Variants in DGKI observed in about 807,000 individuals in gnomAD.
The protein encoded by DGKI is diacylglycerol kinase iota.
A neutral mutation model predicts 147.5 loss-of-function variants in DGKI; 55 were observed. The observed-to-expected ratio is 0.37, with a 90% CI of 0.30 to 0.47. The LOEUF (loss-of-function observed/expected upper bound fraction) is 0.47, where lower values mean the gene tolerates loss of function less well. Ranked by LOEUF, DGKI falls within the 20% of genes least tolerant of loss-of-function variation. DGKI has a pLI of 1.00. For synonymous variants in DGKI, 469 were observed against 477.1 expected, an observed-to-expected ratio of 0.98 and a Z score of 0.22; for missense variants, 1,007 against 1,323.8, an observed-to-expected ratio of 0.76 and a Z score of 3.71.
chr7:137,403,097 C>T (rs1169198066), intron 30 of DGKI, among the ~76,000 whole-genome samples: 1 of 151,810 alleles, frequency 6.6e-6, no homozygotes, highest in African/African-American at 2.4e-5. Context: ...AGGGAGCGGG[C>T]AGAAAATATG....
At chr7:137,694,583 C>T (rs990036603) in intron 1 of DGKI, among the ~76,000 whole-genome samples, 9 of 152,170 alleles carry the variant, frequency 5.9e-5, no homozygotes, top group African/African-American at 2.2e-4. Flanking sequence ...CAGAACACCT[C>T]CTAAAGATTG....
intron 1 of DGKI, among the ~76,000 whole-genome samples, chr7:137,833,164 C>T (rs760061848): frequency 2.0e-5 from 3 of 152,222 alleles, no homozygotes; most frequent in Admixed American, 1.3e-4. Flanking sequence ...GTTCCAAAGT[C>T]GCTTCCACAT....
At chr7:137,811,360 T>C (rs865984324) in intron 1 of DGKI, among the ~76,000 whole-genome samples, 2 of 117,252 alleles carry the variant, frequency 1.7e-5, no homozygotes, top group African/African-American at 3.1e-5. Flanking sequence ...TCTCTCTCTC[T>C]CTCCCTCTCT....
At chr7:137,780,689 G>A (rs1305508815) in intron 1 of DGKI, among the ~76,000 whole-genome samples, 1 of 152,158 alleles carries the variant, frequency 6.6e-6, no homozygotes, top group Non-Finnish European at 1.5e-5. Flanking sequence ...ATAACATGAT[G>A]TTTCAGTGAA....
chr7:137,635,063 T>C (rs1411524532), intron 6 of DGKI, among the ~76,000 whole-genome samples: 1 of 152,112 alleles, frequency 6.6e-6, no homozygotes, highest in Non-Finnish European at 1.5e-5. Context: ...AGAGTGAAGA[T>C]TATTGCACAT....
At chr7:137,579,444 A>AC (rs1310695370) in intron 15 of DGKI, among the ~76,000 whole-genome samples, 2 of 151,206 alleles carry the variant, frequency 1.3e-5, no homozygotes, top group Non-Finnish European at 2.9e-5. Context: ...AGTAAAAAAA[A>AC]AAAAAAAGAA....
intron 21 of DGKI, among the ~76,000 whole-genome samples, chr7:137,494,825 C>T (rs1318930073): frequency 6.6e-6 from 1 of 152,104 alleles, no homozygotes; most frequent in Non-Finnish European, 1.5e-5. Flanking sequence ...CATATTAATG[C>T]TAACTTTGAA....
At chr7:137,783,172 A>G (rs998131015) in intron 1 of DGKI, among the ~76,000 whole-genome samples, 3 of 152,232 alleles carry the variant, frequency 2.0e-5, no homozygotes, top group Non-Finnish European at 4.4e-5. Flanking sequence ...GCCGACTATT[A>G]AGCTAATCAA....
intron 23 of DGKI, among the ~76,000 whole-genome samples, chr7:137,480,407 A>ATT (rs1357014936): frequency 6.6e-6 from 1 of 152,194 alleles, no homozygotes; most frequent in East Asian, 1.9e-4. Context: ...GAGAGAGATG[A>ATT]ATAAGGACAG....
At chr7:137,837,083 C>T (rs1478774506) in intron 1 of DGKI, among the ~76,000 whole-genome samples, 1 of 152,236 alleles carries the variant, frequency 6.6e-6, no homozygotes, top group Non-Finnish European at 1.5e-5. Flanking sequence ...CTTAACTCTG[C>T]CACTCAGCTA....
chr7:137,737,622 C>A (rs757946771), intron 1 of DGKI, among the ~76,000 whole-genome samples: 22 of 152,058 alleles, frequency 1.4e-4, no homozygotes, highest in Non-Finnish European at 1.9e-4. Flanking sequence ...TCCTATCAAC[C>A]CAAATTACAT....
At chr7:137,737,723 C>T (rs1354511306) in intron 1 of DGKI, among the ~76,000 whole-genome samples, 1 of 152,082 alleles carries the variant, frequency 6.6e-6, no homozygotes. Flanking sequence ...GAATCAATGC[C>T]TCCCATATAT....
chr7:137,442,476 A>T (rs1371610330), intron 28 of DGKI, among the ~76,000 whole-genome samples: 1 of 152,244 alleles, frequency 6.6e-6, no homozygotes, highest in Non-Finnish European at 1.5e-5. Context: ...CATTAAAGGG[A>T]ATCCTAGTTC....
Position 137,447,040 on chromosome 7 carries a change from C to A in DGKI, c.2736-2938G>T, listed in dbSNP as rs115130056. 3.1e-3 allele frequency among the ~76,000 whole-genome samples: 473 copies of A among 152,324 alleles called. 1 individual carries two copies. Among genetic ancestry groups the A allele is most frequent in the African/African-American group, 0.011 (453 of 41,578 alleles). ...ATTCTTATAGCTGTCCTCTTCACTT[C>A]TTTCCTGATCATGAGTCCTTTAGCT... On this transcript the variant is annotated intron_variant, in intron 27 of 32. Coordinates refer to ENST00000614521, the MANE Select transcript of DGKI (RefSeq NM_001321708.2).
Position 137,821,659 on chromosome 7 carries a change from A to G in DGKI, c.401+24803T>C, listed in dbSNP as rs191493056. 5.0e-4 allele frequency among the ~76,000 whole-genome samples: 76 copies of G among 152,188 alleles called. 2 individuals are homozygous for G. The highest frequency in any genetic ancestry group is 4.1e-3 in the Admixed American group (62 of 15,290). ...TAAAAGACATACATCAGAAAAAAAA[A>G]AAAGAAAGAAAGAAAAGAAAGAAAA... On this transcript the variant is annotated intron_variant, in intron 1 of 32. Coordinates refer to ENST00000614521, the MANE Select transcript of DGKI (RefSeq NM_001321708.2).
chr7:137,821,733 G>A (rs1180075233), intron 1 of DGKI, among the ~76,000 whole-genome samples: 3 of 151,896 alleles, frequency 2.0e-5, no homozygotes, highest in South Asian at 4.2e-4. Context: ...TGGAAGCTGC[G>A]AAGTGAGCTG....
At chr7:137,535,300 C>T (rs1157559350) in intron 20 of DGKI, among the ~76,000 whole-genome samples, 2 of 151,988 alleles carry the variant, frequency 1.3e-5, no homozygotes, top group African/African-American at 4.8e-5. Flanking sequence ...GAATCTCTGC[C>T]AATTTGATAT....
Position 137,387,562 on chromosome 7 carries a change from A to C in DGKI, c.*3658T>G, listed in dbSNP as rs1384344365. The C allele has an allele frequency of 6.6e-6, 1 of 152,210 alleles. No homozygotes were observed. The highest frequency in any genetic ancestry group is 1.9e-4 in the East Asian group (1 of 5,198). 9.4% of individuals were successfully genotyped at this position (152,210 alleles called of 1,614,324 possible). A position where few individuals can be genotyped will look rare whatever the true frequency, so the allele number is the denominator to read the frequency against. ...CATGTGTATATAAATAAATGTCTAT[A>C]TATGTGTGTAAATGTATATGCGTAT... On this transcript the variant is annotated 3_prime_UTR_variant, in exon 33 of 33. Transcript: ENST00000614521.
chr7:137,700,962 T>C (rs1226389113), intron 1 of DGKI, among the ~76,000 whole-genome samples: 1 of 152,122 alleles, frequency 6.6e-6, no homozygotes. Context: ...AGGAAGTTGG[T>C]GGCAGAGCCA....
Sources: gnomAD v4.1 joint callset for allele counts (sites outside exome capture counted in the v4.1 genomes callset) on GRCh38, gnomAD v4.1.1 for gene constraint, MANE v1.5 for transcripts, NCBI Gene and HGNC (gene_info 2026-07-23, HGNC 2026-07-21) for gene names.